ATP8A2: variants seen among roughly 807,000 people sequenced by gnomAD.
The protein encoded by ATP8A2 is phospholipid-transporting ATPase IB.
A neutral mutation model predicts 165.6 loss-of-function variants in ATP8A2; 100 were observed. That is an observed-to-expected ratio of 0.60 (90% CI 0.51 to 0.71). The LOEUF is 0.71. Among genes scored for constraint, ATP8A2 ranks in the 30% least tolerant of loss-of-function variants. ATP8A2 has a pLI of 0.00. For synonymous variants in ATP8A2, 543 were observed against 548.8 expected (o/e 0.99, Z 0.15); for missense variants, 1,227 against 1,479.5 (o/e 0.83, Z 2.80).
At chr13:26,013,040 G>C (rs1448354600) in intron 36 of ATP8A2, among the ~76,000 whole-genome samples, 1 of 152,080 alleles carries the variant, frequency 6.6e-6, no homozygotes, top group Non-Finnish European at 1.5e-5. Context: ...GCTGCCCCAC[G>C]TCTAAGCCTG....
At chr13:25,736,280 TGGAGAGGCAGTGGGTTAAGATAA>T (rs1171496297) in intron 25 of ATP8A2, among the ~76,000 whole-genome samples, 5 of 152,164 alleles carry the variant, frequency 3.3e-5, no homozygotes, top group Non-Finnish European at 5.9e-5. Context: ...AAGAAAAGGC[TGGAGAGGCAGTGGGTTAAGATAA>T]GGAAAAATTT....
intron 24 of ATP8A2, among the ~76,000 whole-genome samples, chr13:25,633,711 C>T (rs948842889): frequency 2.0e-5 from 3 of 152,128 alleles, no homozygotes; most frequent in Admixed American, 6.6e-5. Context: ...CGTGGTCGCT[C>T]ACGCTTGTAA....
intron 1 of ATP8A2, among the ~76,000 whole-genome samples, chr13:25,409,399 G>A (rs1245437073): frequency 6.6e-6 from 1 of 152,210 alleles, no homozygotes; most frequent in Non-Finnish European, 1.5e-5. Flanking sequence ...GATCTAAGAT[G>A]TAATATTCCA....
intron 27 of ATP8A2, among the ~76,000 whole-genome samples, chr13:25,780,193 G>A (rs1198880535): frequency 6.6e-6 from 1 of 152,116 alleles, no homozygotes; most frequent in African/African-American, 2.4e-5. Context: ...GTAAACTTTG[G>A]TATAACATAA....
chr13:25,701,074 T>C lies in ATP8A2; in HGVS notation c.2384+1729T>C, dbSNP rs2042941787. ...TTATTATTGAGGTATAAGGGTTCTT[T>C]AGCTACTCTGGATACAAGTATCTCA... On this transcript the variant is annotated intron_variant, in intron 25 of 36. Coordinates refer to ENST00000381655, the MANE Select transcript of ATP8A2 (RefSeq NM_016529.6). 2.0e-5 allele frequency among the ~76,000 whole-genome samples: 3 copies of C among 152,210 alleles called. No homozygotes were observed. The South Asian group carries it at 6.2e-4, about 32-fold the overall frequency.
intron 24 of ATP8A2, among the ~76,000 whole-genome samples, chr13:25,605,615 C>A (rs2040495201): frequency 6.6e-6 from 1 of 151,904 alleles, no homozygotes; most frequent in African/African-American, 2.4e-5. Context: ...ATATTGGTAG[C>A]CATTTTTTAA....
chr13:25,954,618 T>A (rs1262464249), intron 33 of ATP8A2, among the ~76,000 whole-genome samples: 1 of 152,184 alleles, frequency 6.6e-6, no homozygotes, highest in African/African-American at 2.4e-5. Flanking sequence ...GAGCTCTGAC[T>A]GGCATCTGGC....
intron 24 of ATP8A2, among the ~76,000 whole-genome samples, chr13:25,614,275 A>G (rs113730064): frequency 4.6e-5 from 7 of 152,158 alleles, no homozygotes; most frequent in African/African-American, 1.7e-4. Context: ...CAAGCTCTGA[A>G]GTTCTTTTGT....
intron 30 of ATP8A2, among the ~76,000 whole-genome samples, chr13:25,846,811 A>G (rs1013973036): frequency 6.6e-6 from 1 of 152,198 alleles, no homozygotes; most frequent in African/African-American, 2.4e-5. Flanking sequence ...AGGCAAAGCT[A>G]GAAGGACTCA....
chr13:25,847,450 T>C (rs1173506385), intron 30 of ATP8A2, among the ~76,000 whole-genome samples: 2 of 152,188 alleles, frequency 1.3e-5, no homozygotes, highest in Non-Finnish European at 2.9e-5. Context: ...GGCCATTGTT[T>C]TCATTCAGTT....
chr13:25,849,677 CTA>C (rs1234111012), intron 30 of ATP8A2, among the ~76,000 whole-genome samples: 1 of 152,172 alleles, frequency 6.6e-6, no homozygotes, highest in African/African-American at 2.4e-5. Context: ...GGTTTAGTGA[CTA>C]TGTTTCCAGA....
At chr13:25,517,038 C>T (rs572717211) in intron 2 of ATP8A2, 4 of 151,748 alleles carry the variant, frequency 2.6e-5, no homozygotes, top group Non-Finnish European at 4.4e-5. Context: ...ACCTCGCCCT[C>T]CCAAAGTGCT....
At chr13:25,442,693 T>A (rs2034965224) in intron 1 of ATP8A2, among the ~76,000 whole-genome samples, 2 of 152,182 alleles carry the variant, frequency 1.3e-5, no homozygotes, top group Admixed American at 6.5e-5. Context: ...GTGCTGCGGG[T>A]GTGAGGTGGT....
intron 35 of ATP8A2, among the ~76,000 whole-genome samples, chr13:26,008,483 A>T (rs1357693123): frequency 1.3e-5 from 2 of 152,294 alleles, no homozygotes; most frequent in Non-Finnish European, 2.9e-5. Context: ...CAATATGGAG[A>T]TACTGTAGAT....
intron 24 of ATP8A2, among the ~76,000 whole-genome samples, chr13:25,630,836 A>T (rs201083177): frequency 6.4e-5 from 9 of 139,702 alleles, no homozygotes; most frequent in Admixed American, 4.4e-4. Context: ...ATCATCTATT[A>T]AAAAAAAAAT....
chr13:25,569,702 T>C (rs1330623438), intron 16 of ATP8A2, among the ~76,000 whole-genome samples: 2 of 152,184 alleles, frequency 1.3e-5, no homozygotes, highest in Admixed American at 6.5e-5. Flanking sequence ...AAACCTAGGA[T>C]AGTCAACTGC....
intron 33 of ATP8A2, among the ~76,000 whole-genome samples, chr13:25,958,991 G>A (rs1272079000): frequency 6.6e-6 from 1 of 152,178 alleles, no homozygotes; most frequent in African/African-American, 2.4e-5. Flanking sequence ...TAAAGTCACT[G>A]TGTTCTTAAA....
rs555010518 is a variant in ATP8A2 at position 25,766,389 on chromosome 13, A to G, written c.2385-2657A>G. 2.3e-3 allele frequency among the ~76,000 whole-genome samples: 356 copies of G among 152,344 alleles called. 1 individual carries two copies. Among genetic ancestry groups the G allele is most frequent in the African/African-American group, 8.1e-3 (338 of 41,576 alleles). On this transcript the variant is annotated intron_variant, in intron 25 of 36. Coordinates refer to ENST00000381655, the MANE Select transcript of ATP8A2 (RefSeq NM_016529.6). ...ACAATAATGTCATTGAAAGACATAC[A>G]TTGAAAGAAATAATCCTTATTTCCT...
intron 27 of ATP8A2, among the ~76,000 whole-genome samples, chr13:25,790,320 A>G (rs1244969560): frequency 6.6e-6 from 1 of 152,172 alleles, no homozygotes; most frequent in Non-Finnish European, 1.5e-5. Flanking sequence ...TTTGCAAACT[A>G]TATAGGTCCA....
Sources: gnomAD v4.1 joint callset for allele counts (sites outside exome capture counted in the v4.1 genomes callset) on GRCh38, gnomAD v4.1.1 for gene constraint, MANE v1.5 for transcripts, NCBI Gene and HGNC (gene_info 2026-07-23, HGNC 2026-07-21) for gene names.